The following STAMBP variants were observed in gnomAD, a reference collection of about 807,000 sequenced individuals.
STAMBP encodes the protein STAM binding protein.
In STAMBP, 31 loss-of-function variants were observed where a neutral mutation model predicts 50.7. That is an observed-to-expected ratio of 0.61 (90% CI 0.46 to 0.83). The LOEUF (loss-of-function observed/expected upper bound fraction) is 0.83. Among genes scored for constraint, STAMBP ranks in the 40% least tolerant of loss-of-function variants. STAMBP has a pLI of 0.00. For missense variants in STAMBP, 472 were observed against 518.9 expected, an observed-to-expected ratio of 0.91 and a Z score of 0.88; for synonymous variants, 211 against 192.4, an observed-to-expected ratio of 1.10 and a Z score of -0.80.
At chr2:73,853,511 C>G (rs1255851865) in intron 7 of STAMBP, among the ~76,000 whole-genome samples, 2 of 152,168 alleles carry the variant, frequency 1.3e-5, no homozygotes, top group Non-Finnish European at 2.9e-5. Flanking sequence ...ATCACGAGGT[C>G]AGGAGTGCGA....
At chr2:73,868,124 C>CA (rs11383453), downstream of STAMBP, among the ~76,000 whole-genome samples, 40,582 of 109,936 alleles carry the variant, frequency 0.37, 5,896 homozygotes, top group Middle Eastern at 0.42. Flanking sequence ...AACTCTGTCT[C>CA]AAAAAAAAAA....
chr2:73,837,665 G>A (rs1674897541), intron 2 of STAMBP, among the ~76,000 whole-genome samples: 1 of 145,716 alleles, frequency 6.9e-6, no homozygotes, highest in African/African-American at 2.5e-5. Flanking sequence ...TTTGAAAACT[G>A]TTTTTCCATA....
chr2:73,837,584 C>CAAA (rs56397494), intron 2 of STAMBP, among the ~76,000 whole-genome samples: 15 of 40,912 alleles, frequency 3.7e-4, no homozygotes, highest in South Asian at 1.2e-3. Context: ...GACTCCATCT[C>CAAA]AAAAAAAAAA....
At chr2:73,832,753 C>G (rs1674124035) in intron 2 of STAMBP, among the ~76,000 whole-genome samples, 2 of 152,114 alleles carry the variant, frequency 1.3e-5, no homozygotes, top group South Asian at 4.1e-4. Flanking sequence ...TGCCAGTATC[C>G]CCCCTCCCCG....
Position 73,862,401 on chromosome 2 carries a change from A to G in STAMBP, c.*142A>G. On this transcript the variant is annotated 3_prime_UTR_variant, in exon 10 of 10. Transcript: ENST00000394070. ...TCACCTGAGAAAGAGCTGATTTTGT[A>G]TTTCAGGTTTGAAAAGAAATAACTG... The G allele has an allele frequency of 1.8e-6, 1 of 543,670 alleles. No individual in the cohort carries two copies. Among genetic ancestry groups the G allele is most frequent in the Non-Finnish European group, 3.0e-6 (1 of 338,602 alleles). 33.7% of individuals were successfully genotyped at this position (543,670 alleles called of 1,614,324 possible).
downstream of STAMBP, among the ~76,000 whole-genome samples, chr2:73,868,938 A>G (rs556356321): frequency 1.5e-4 from 23 of 152,340 alleles, no homozygotes; most frequent in African/African-American, 5.0e-4. Context: ...ATCTTCTAAT[A>G]TATAACACCC....
At chr2:73,839,256 C>G (rs1675084781) in intron 2 of STAMBP, among the ~76,000 whole-genome samples, 1 of 152,098 alleles carries the variant, frequency 6.6e-6, no homozygotes, top group Admixed American at 6.5e-5. Flanking sequence ...TTTTGCAGAC[C>G]CCAGTATAGA....
chr2:73,851,175 C>T (rs576174195), intron 7 of STAMBP, among the ~76,000 whole-genome samples: 1 of 152,256 alleles, frequency 6.6e-6, no homozygotes, highest in Admixed American at 6.5e-5. Flanking sequence ...TACTTGTATG[C>T]CAGAATTTGG....
chr2:73,832,124 G>A (rs535646139), intron 2 of STAMBP, among the ~76,000 whole-genome samples: 1 of 89,884 alleles, frequency 1.1e-5, no homozygotes, highest in Non-Finnish European at 2.2e-5. Context: ...TATATATGGT[G>A]CACAATTCAG....
rs1678700880 is a variant in STAMBP, at chr2:73,864,627, G to A, written c.*2368G>A. ...ACCACGCAACCTGAGGAAAGACATT[G>A]TATTGAAAGGGTAATGACTATTTGG... is the stretch of plus-strand genomic sequence containing the variant. On this transcript the variant is annotated 3_prime_UTR_variant, in exon 10 of 10. Transcript: ENST00000394070. 1 of 152,276 alleles carries A rather than the reference G, an allele frequency of 6.6e-6. No homozygotes were observed. The highest frequency in any genetic ancestry group is 1.5e-5 in the Non-Finnish European group (1 of 68,106). 9.4% of individuals were successfully genotyped at this position (152,276 alleles called of 1,614,324 possible).
chr2:73,853,134 G>C (rs915531961), intron 7 of STAMBP, among the ~76,000 whole-genome samples: 11 of 152,008 alleles, frequency 7.2e-5, no homozygotes, highest in African/African-American at 2.7e-4. Context: ...GTGAAGACTC[G>C]GATCGGCCTG....
chr2:73,834,209 TAAAAAAAAAAAAAAAAA>T (rs1171586160), intron 2 of STAMBP, among the ~76,000 whole-genome samples: 43 of 8,548 alleles, frequency 5.0e-3, no homozygotes, highest in Middle Eastern at 0.25. Flanking sequence ...GATCATGTCT[TAAAAAAAAAAAAAAAAA>T]AAAAAAAAAA....
chr2:73,861,879 T>C (rs1368797888), intron 9 of STAMBP, among the ~76,000 whole-genome samples: 1 of 152,044 alleles, frequency 6.6e-6, no homozygotes, highest in East Asian at 1.9e-4. Context: ...GGCTCACGCC[T>C]ATAATCCCAA....
At position 73,865,325 on chromosome 2, in the gene STAMBP, T is replaced by G. The variant is rs1378817838; in HGVS notation, c.*3066T>G. The G allele has an allele frequency of 6.6e-6, 1 of 151,968 alleles. No individual in the cohort carries two copies. Among genetic ancestry groups the G allele is most frequent in the Non-Finnish European group, 1.5e-5 (1 of 67,990 alleles). The allele number at this position is 151,968 out of a possible 1,614,324, so 9.4% of individuals were successfully genotyped here. A position where few individuals can be genotyped will look rare whatever the true frequency, so the allele number is the denominator to read the frequency against. Reference sequence around the variant, plus strand: ...AGATGTTGTTCCCTAGAAAATAGAGTCAGCTATTGATATTGTGCCTCCCAT... The same window carrying G: ...AGATGTTGTTCCCTAGAAAATAGAGGCAGCTATTGATATTGTGCCTCCCAT... On this transcript the variant is annotated 3_prime_UTR_variant, in exon 10 of 10. Coordinates refer to ENST00000394070, the MANE Select transcript of STAMBP (RefSeq NM_213622.4).
intron 10 of STAMBP, among the ~76,000 whole-genome samples, chr2:73,872,495 C>T (rs1245014884): frequency 2.0e-5 from 3 of 152,048 alleles, no homozygotes; most frequent in Non-Finnish European, 4.4e-5. Context: ...GAGCACTGTT[C>T]AAAGTACACA....
chr2:73,867,601 A>C (rs1308684255), downstream of STAMBP, among the ~76,000 whole-genome samples: 1 of 152,214 alleles, frequency 6.6e-6, no homozygotes, highest in Admixed American at 6.5e-5. Context: ...CAAATGAGAA[A>C]AACTACATAT....
chr2:73,869,507 C>T (rs1159239453), downstream of STAMBP, among the ~76,000 whole-genome samples: 1 of 152,010 alleles, frequency 6.6e-6, no homozygotes, highest in African/African-American at 2.4e-5. Context: ...CATTTTTTAA[C>T]TTGAAAGATT....
intron 2 of STAMBP, 115 bp downstream of exon 2, chr2:73,831,174 TG>T (rs1673872326): frequency 1.2e-6 from 1 of 817,678 alleles, no homozygotes; most frequent in Non-Finnish European, 2.0e-6. Context: ...TCATTTTTGC[TG>T]GCAACTCCTA....
At chr2:73,830,056 G>A (rs536004113) in intron 1 of STAMBP, among the ~76,000 whole-genome samples, 1 of 152,330 alleles carries the variant, frequency 6.6e-6, no homozygotes, top group African/African-American at 2.4e-5. Flanking sequence ...TTTGGAATCT[G>A]ATTCTAACAG....
Sources: allele counts gnomAD v4.1 joint callset (sites outside exome capture counted in the v4.1 genomes callset), GRCh38; gene constraint gnomAD v4.1.1; transcripts MANE v1.5; gene names NCBI Gene and HGNC (gene_info 2026-07-23, HGNC 2026-07-21).